Variants in OR9Q1 observed in about 807,000 individuals in gnomAD.
OR9Q1 encodes the protein olfactory receptor 9Q1.
For synonymous variants in OR9Q1, 153 were observed against 148.6 expected, an observed-to-expected ratio of 1.03 and a Z score of -0.22; for missense variants, 374 against 378.8, an observed-to-expected ratio of 0.99 and a Z score of 0.11.
At chr11:58,109,450 G>C (rs770653933) in intron 2 of OR9Q1, 1 of 462,124 alleles carries the variant, frequency 2.2e-6, no homozygotes, top group Non-Finnish European at 4.4e-6. Flanking sequence ...GGCACAGCAG[G>C]CATCCAGGAA....
chr11:58,086,506 A>G (rs1269672562), intron 2 of OR9Q1, among the ~76,000 whole-genome samples: 1 of 144,444 alleles, frequency 6.9e-6, no homozygotes, highest in Non-Finnish European at 1.6e-5. Context: ...TCATTTCTGG[A>G]TATATAACCA....
chr11:58,034,023 C>G (rs1041513162), intron 1 of OR9Q1, among the ~76,000 whole-genome samples: 2 of 150,744 alleles, frequency 1.3e-5, no homozygotes, highest in African/African-American at 4.9e-5. Flanking sequence ...TCAACATCCC[C>G]TAGGATGTTG....
chr11:58,033,743 C>A (rs1377150777), intron 1 of OR9Q1, among the ~76,000 whole-genome samples: 1 of 151,864 alleles, frequency 6.6e-6, no homozygotes, highest in African/African-American at 2.4e-5. Flanking sequence ...CATGTACCCC[C>A]TGAATCTAAA....
chr11:58,024,185 G>A (rs1277762387), intron 1 of OR9Q1, 81 bp downstream of exon 1: 3 of 152,508 alleles, frequency 2.0e-5, no homozygotes, highest in East Asian at 1.9e-4. Flanking sequence ...AAAGTGAGAT[G>A]TGCTGTTGCT....
intron 2 of OR9Q1, among the ~76,000 whole-genome samples, chr11:58,085,751 C>T (rs951160724): frequency 6.6e-6 from 1 of 151,770 alleles, no homozygotes; most frequent in Admixed American, 6.6e-5. Context: ...GGGCTCTTTA[C>T]TATAGACCAT....
chr11:58,077,334 A>C (rs1321494767), intron 2 of OR9Q1: 4 of 152,202 alleles, frequency 2.6e-5, no homozygotes, highest in African/African-American at 9.6e-5. Flanking sequence ...CTGGTCAAGA[A>C]GTTTCAGCTA....
chr11:58,047,212 C>CTT (rs1367895030), intron 1 of OR9Q1: 1 of 152,164 alleles, frequency 6.6e-6, no homozygotes, highest in Non-Finnish European at 1.5e-5. Flanking sequence ...TAATCCACCC[C>CTT]TTTTTGACCC....
intron 2 of OR9Q1, among the ~76,000 whole-genome samples, chr11:58,147,095 G>A (rs573212458): frequency 1.3e-5 from 2 of 152,270 alleles, no homozygotes; most frequent in Admixed American, 6.5e-5. Context: ...CCAGTGCATG[G>A]CATTTGATTT....
chr11:58,164,500 C>A (rs1854483716), intron 2 of OR9Q1, among the ~76,000 whole-genome samples: 2 of 152,124 alleles, frequency 1.3e-5, no homozygotes, highest in African/African-American at 4.8e-5. Flanking sequence ...GAACAATGAA[C>A]AAGGAGGTAA....
chr11:58,148,070 A>G (rs990557794), intron 2 of OR9Q1, among the ~76,000 whole-genome samples: 5 of 152,182 alleles, frequency 3.3e-5, no homozygotes, highest in Non-Finnish European at 7.3e-5. Flanking sequence ...CAGATCCTCA[A>G]AGTCTCAACT....
rs551453110 is a variant in OR9Q1, at chr11:58,176,198, G to A, written c.-14-3233G>A. 1.6e-3 allele frequency among the ~76,000 whole-genome samples: 241 copies of A among 152,222 alleles called. 2 individuals are homozygous for A. The highest frequency in any genetic ancestry group is 5.4e-3 in the African/African-American group (223 of 41,522). ...GCCACAGTGGTGAAGGTGGCAATGG[G>A]CATAACTTCTGACATTGTTCTGATG... On this transcript the variant is annotated intron_variant, in intron 2 of 2. Coordinates refer to ENST00000335397, the MANE Select transcript of OR9Q1 (RefSeq NM_001005212.4).
intron 2 of OR9Q1, among the ~76,000 whole-genome samples, chr11:58,092,049 A>T (rs1366977791): frequency 1.3e-5 from 2 of 151,290 alleles, no homozygotes; most frequent in Admixed American, 1.3e-4. Context: ...TTTGCATGTG[A>T]GATGGATCTC....
intron 2 of OR9Q1, among the ~76,000 whole-genome samples, chr11:58,139,166 A>T (rs1176739500): frequency 1.3e-5 from 2 of 152,248 alleles, no homozygotes; most frequent in Non-Finnish European, 2.9e-5. Flanking sequence ...ATCAGAAAGA[A>T]TAAGGGGGCA....
At chr11:58,129,157 C>T (rs757014830) in intron 2 of OR9Q1, among the ~76,000 whole-genome samples, 5 of 152,084 alleles carry the variant, frequency 3.3e-5, no homozygotes, top group Non-Finnish European at 5.9e-5. Context: ...ACCATCTCCA[C>T]GGCCCATCCA....
intron 2 of OR9Q1, among the ~76,000 whole-genome samples, chr11:58,148,911 C>T (rs534155923): frequency 8.5e-5 from 13 of 152,256 alleles, no homozygotes; most frequent in East Asian, 1.9e-4. Context: ...TTATACAATT[C>T]GTCCTTTTGG....
chr11:58,135,730 A>G (rs1231554442), intron 2 of OR9Q1, among the ~76,000 whole-genome samples: 2 of 152,030 alleles, frequency 1.3e-5, no homozygotes, highest in East Asian at 3.9e-4. Context: ...AACCTTTATG[A>G]CTCCCCATTT....
intron 2 of OR9Q1, among the ~76,000 whole-genome samples, chr11:58,152,061 C>G (rs1854358400): frequency 6.6e-6 from 1 of 152,114 alleles, no homozygotes; most frequent in African/African-American, 2.4e-5. Context: ...GCCAGGAGAA[C>G]AGCGGTCCTG....
chr11:58,151,197 T>G (rs893061251), intron 2 of OR9Q1, among the ~76,000 whole-genome samples: 6 of 152,210 alleles, frequency 3.9e-5, no homozygotes, highest in Non-Finnish European at 8.8e-5. Context: ...ACTGAGATCC[T>G]TAATACAATG....
At chr11:58,129,443 TA>T (rs1469599967) in intron 2 of OR9Q1, among the ~76,000 whole-genome samples, 1 of 152,264 alleles carries the variant, frequency 6.6e-6, no homozygotes, top group Admixed American at 6.5e-5. Context: ...AGTTCCCTAT[TA>T]AAAACCTTCC....
Sources: allele counts gnomAD v4.1 joint callset (sites outside exome capture counted in the v4.1 genomes callset), GRCh38; gene constraint gnomAD v4.1.1; transcripts MANE v1.5; gene names NCBI Gene and HGNC (gene_info 2026-07-23, HGNC 2026-07-21).